UGGT2: variants seen among roughly 807,000 people sequenced by gnomAD.
UGGT2 encodes UDP-glucose:glycoprotein glucosyltransferase 2.
A neutral mutation model predicts 192.1 loss-of-function variants in UGGT2; 180 were observed. The observed-to-expected ratio is 0.94, with a 90% CI of 0.83 to 1.06. UGGT2 has a LOEUF of 1.06. Ranked by LOEUF, UGGT2 falls within the 50% of genes least tolerant of loss-of-function variation. UGGT2 has a pLI of 0.00. For synonymous variants in UGGT2, 580 were observed against 591.0 expected (o/e 0.98, Z 0.27); for missense variants, 1,849 against 1,795.7 (o/e 1.03, Z -0.54).
chr13:95,951,914 C>T (rs532720350), intron 12 of UGGT2, among the ~76,000 whole-genome samples: 19 of 151,930 alleles, frequency 1.3e-4, no homozygotes, highest in African/African-American at 4.6e-4. Flanking sequence ...AAAAATTAGC[C>T]AGGCATGGTG....
intron 17 of UGGT2, among the ~76,000 whole-genome samples, chr13:95,931,072 C>T (rs1004459684): frequency 5.3e-5 from 8 of 152,152 alleles, no homozygotes; most frequent in East Asian, 1.9e-4. Context: ...GCTGATTGGT[C>T]CATTCTACAG....
intron 38 of UGGT2, among the ~76,000 whole-genome samples, chr13:95,806,365 G>A (rs1324825330): frequency 6.6e-6 from 1 of 152,142 alleles, no homozygotes; most frequent in Non-Finnish European, 1.5e-5. Context: ...AGGAGTTAAT[G>A]TCAGAGTTGA....
intron 1 of UGGT2, among the ~76,000 whole-genome samples, chr13:96,033,602 A>G (rs2052906752): frequency 6.6e-6 from 1 of 152,172 alleles, no homozygotes; most frequent in Non-Finnish European, 1.5e-5. Context: ...CCCTGTCCCA[A>G]CACAGACTTG....
intron 1 of UGGT2, among the ~76,000 whole-genome samples, chr13:96,036,940 T>C (rs1186094092): frequency 7.2e-5 from 11 of 152,176 alleles, no homozygotes; most frequent in Admixed American, 2.6e-4. Flanking sequence ...GACAAAGTTT[T>C]TTTAAAGGTA....
chr13:95,985,664 A>G (rs1327370852), intron 9 of UGGT2, among the ~76,000 whole-genome samples: 1 of 152,134 alleles, frequency 6.6e-6, no homozygotes. Context: ...ACTTGTTGCT[A>G]ATTTTATACT....
intron 29 of UGGT2, chr13:95,877,033 G>T: frequency 3.0e-6 from 1 of 330,126 alleles, no homozygotes; most frequent in Non-Finnish European, 5.5e-6. Context: ...ACAGGTGTGC[G>T]CCACCATGTC....
chr13:96,019,853 T>C (rs1284483241), intron 4 of UGGT2, among the ~76,000 whole-genome samples: 2 of 152,122 alleles, frequency 1.3e-5, no homozygotes, highest in African/African-American at 4.8e-5. Context: ...ACTTCAGCTT[T>C]TGGTTTTACA....
At chr13:95,940,154 C>A in intron 15 of UGGT2, 63 bp from the exon 16 acceptor site, 1 of 1,259,664 alleles carries the variant, frequency 7.9e-7, no homozygotes, top group East Asian at 2.8e-5. Flanking sequence ...CTTTTTTTTC[C>A]TTAGCATGCA....
At chr13:95,830,345 C>T (rs1293434018) in intron 38 of UGGT2, among the ~76,000 whole-genome samples, 1 of 152,136 alleles carries the variant, frequency 6.6e-6, no homozygotes, top group Non-Finnish European at 1.5e-5. Flanking sequence ...GAGCAGGCAA[C>T]CTACAGAATG....
At chr13:95,980,450 G>A (rs1378682674) in intron 10 of UGGT2, among the ~76,000 whole-genome samples, 1 of 151,934 alleles carries the variant, frequency 6.6e-6, no homozygotes, top group Non-Finnish European at 1.5e-5. Flanking sequence ...TGGGGACTCG[G>A]GGGAAAGGGC....
intron 1 of UGGT2, 60 bp from the exon 2 acceptor site, chr13:96,032,031 T>C (rs1304620832): frequency 1.3e-5 from 16 of 1,263,820 alleles, no homozygotes; most frequent in South Asian, 2.8e-5. Flanking sequence ...TTAGATACTA[T>C]AAACTGTACT....
At chr13:95,906,588 T>G (rs535321902) in intron 20 of UGGT2, among the ~76,000 whole-genome samples, 1 of 152,278 alleles carries the variant, frequency 6.6e-6, no homozygotes, top group South Asian at 2.1e-4. Context: ...CAATTTTGAT[T>G]AATAACATAG....
intron 2 of UGGT2, among the ~76,000 whole-genome samples, chr13:96,027,888 C>A (rs543212677): frequency 1.3e-5 from 2 of 152,348 alleles, no homozygotes; most frequent in Admixed American, 1.3e-4. Flanking sequence ...ATTACTTGAT[C>A]TGTCTACAGT....
chr13:95,969,384 G>A (rs952320914), intron 12 of UGGT2, among the ~76,000 whole-genome samples: 6 of 152,116 alleles, frequency 3.9e-5, no homozygotes, highest in Non-Finnish European at 8.8e-5. Flanking sequence ...AGTCCTTCTA[G>A]CAAATCACTG....
intron 36 of UGGT2, among the ~76,000 whole-genome samples, chr13:95,851,752 T>C (rs961616961): frequency 1.3e-5 from 2 of 152,148 alleles, no homozygotes; most frequent in African/African-American, 2.4e-5. Flanking sequence ...GTAAGGACAA[T>C]CATCCCCAAA....
chr13:95,943,602 T>C (rs185772815), intron 15 of UGGT2, among the ~76,000 whole-genome samples: 5 of 152,126 alleles, frequency 3.3e-5, no homozygotes, highest in Non-Finnish European at 7.4e-5. Context: ...TAAATATTTG[T>C]TGTTAGAAGA....
intron 24 of UGGT2, among the ~76,000 whole-genome samples, chr13:95,892,463 T>G (rs764862151): frequency 5.3e-5 from 8 of 152,090 alleles, no homozygotes; most frequent in Non-Finnish European, 8.8e-5. Flanking sequence ...AGAAGAATAC[T>G]GTCAAGCACA....
chr13:95,855,106 TAAAAAAAAAAAAAAAAAAA>T lies in UGGT2; in HGVS notation c.4009-650_4009-632del, dbSNP rs10713359. On this transcript the variant is annotated intron_variant, in intron 34 of 38. Transcript: ENST00000376747. ...GGGCAACACAGTGAGACCCTGTCTG[TAAAAAAAAAAAAAAAAAAA>T]AAAAAAAAAAAATTAGCCAGGCGTG... is the stretch of plus-strand genomic sequence containing the variant. Among the ~76,000 whole-genome samples the T allele has an allele frequency of 3.6e-4, 18 of 49,918 alleles. 1 individual carries two copies. In the Admixed American group the frequency reaches 4.7e-3, roughly 13 times the overall value. The allele number at this position is 49,918 out of a possible 152,430, so 32.7% of individuals were successfully genotyped here. A position where few individuals can be genotyped will look rare whatever the true frequency, so the allele number is the denominator to read the frequency against.
chr13:96,015,900 ATCAC>A (rs1213020594), intron 4 of UGGT2, among the ~76,000 whole-genome samples: 1 of 152,212 alleles, frequency 6.6e-6, no homozygotes, highest in Non-Finnish European at 1.5e-5. Context: ...TCATTACGGT[ATCAC>A]TCACTCAATA....
Sources: gnomAD v4.1 joint callset for allele counts (sites outside exome capture counted in the v4.1 genomes callset) on GRCh38, gnomAD v4.1.1 for gene constraint, MANE v1.5 for transcripts, NCBI Gene and HGNC (gene_info 2026-07-23, HGNC 2026-07-21) for gene names.